ECI2: variants seen among roughly 807,000 people sequenced by gnomAD.
ECI2 encodes the protein D3,D2-enoyl-CoA isomerase.
In ECI2, 27 loss-of-function variants were observed where a neutral mutation model predicts 38.4. The ratio of observed to expected loss-of-function variants is 0.70; its 90% CI spans 0.52 to 0.97. ECI2 has a LOEUF of 0.97. Ranked by LOEUF, ECI2 falls within the 50% of genes least tolerant of loss-of-function variation. The pLI is 0.00. For synonymous variants in ECI2, 168 were observed against 172.0 expected, an observed-to-expected ratio of 0.98 and a Z score of 0.18; for missense variants, 470 against 474.4, an observed-to-expected ratio of 0.99 and a Z score of 0.09.
chr6:4,122,679 AGAGAAGG>A (rs1772881746), intron 7 of ECI2, among the ~76,000 whole-genome samples: 1 of 151,942 alleles, frequency 6.6e-6, no homozygotes, highest in South Asian at 2.1e-4. Flanking sequence ...TATTTTTAGT[AGAGAAGG>A]GGTTTCACCA....
At chr6:4,126,303 T>C in intron 5 of ECI2, 66 bp from the exon 6 acceptor site, 1 of 1,357,970 alleles carries the variant, frequency 7.4e-7, no homozygotes, top group Non-Finnish European at 1.0e-6. Flanking sequence ...ATCTACTGCA[T>C]GCCAAACTCT....
At chr6:4,132,705 T>C (rs1257163203) in intron 2 of ECI2, among the ~76,000 whole-genome samples, 4 of 152,144 alleles carry the variant, frequency 2.6e-5, no homozygotes, top group Non-Finnish European at 5.9e-5. Context: ...GAATTCCCAA[T>C]ACCCATCATC....
At position 4,130,571 on chromosome 6, in the gene ECI2, G is replaced by A. The variant is rs371732625; in HGVS notation, c.313-11C>T. 15 of 1,614,010 alleles carry A rather than the reference G, an allele frequency of 9.3e-6. No homozygotes were observed. The African/African-American group carries it at 1.2e-4, about 13-fold the overall frequency. On this transcript the variant is annotated splice_polypyrimidine_tract_variant and intron_variant, in intron 3 of 9. Coordinates refer to ENST00000380118, the MANE Select transcript of ECI2 (RefSeq NM_206836.3). Reference sequence around the variant, plus strand: ...CTGCCTGGCAGCTTCCTGAACGGACGATGACAAACAACCTCAGCCCATGGT... The same window carrying A: ...CTGCCTGGCAGCTTCCTGAACGGACAATGACAAACAACCTCAGCCCATGGT...
In ECI2 at chr6:4,119,216, G is replaced by GT. The variant is rs779999281; in HGVS notation, c.854dup (p.Tyr285Ter). The change falls in exon 8 of 10, where the codon TAC becomes TAAC. Residue 285 changes from tyrosine to a stop codon, truncating the protein, a stop_gained and frameshift_variant. Coordinates refer to ENST00000380118, the MANE Select transcript of ECI2 (RefSeq NM_206836.3). LOFTEE classifies it high-confidence loss of function. ...LGQSPEGCSS[Y>*]TFPKIMSPAK... ...CTGGGCTCATTATCTTCGGAAAAGT[G>GT]TAAGAGGAGCATCCTTCCGGACTTT... The GT allele has an allele frequency of 3.7e-6, 6 of 1,613,752 alleles. No homozygotes were observed. Among genetic ancestry groups the GT allele is most frequent in the South Asian group, 3.3e-5 (3 of 91,056 alleles).
Position 4,119,238 on chromosome 6 carries a change from C to T in ECI2, c.833G>A (p.Ser278Asn). The change falls in exon 8 of 10, where the codon AGT (serine) becomes AAT (asparagine). Residue 278 changes from serine to asparagine, a missense_variant. Physicochemically the swap from Ser to Asn is conservative, Grantham distance 46. Transcript: ENST00000380118. ...AGTGTAAGAGGAGCATCCTTCCGGA[C>T]TTTGGCCTAGGTGACTAAATGGTGT... is the stretch of plus-strand genomic sequence containing the variant. Reference protein sequence around the residue: ...FHTPFSHLGQSPEGCSSYTFP... With the variant: ...FHTPFSHLGQNPEGCSSYTFP... 1.2e-6 allele frequency: 2 copies of T among 1,613,542 alleles called. No individual in the cohort carries two copies. Among genetic ancestry groups the T allele is most frequent in the Middle Eastern group, 3.3e-4 (2 of 6,060 alleles).
chr6:4,120,203 G>A (rs1264245566), intron 7 of ECI2, among the ~76,000 whole-genome samples: 1 of 152,176 alleles, frequency 6.6e-6, no homozygotes, highest in African/African-American at 2.4e-5. Context: ...CTAGTCGTGT[G>A]TTGCTTAACA....
chr6:4,117,602 G>A, intron 8 of ECI2, 151 bp from the exon 9 acceptor site: 1 of 1,065,556 alleles, frequency 9.4e-7, no homozygotes, highest in South Asian at 1.9e-5. Context: ...GACCTCAATA[G>A]GCAACGGTTT....
intron 7 of ECI2, among the ~76,000 whole-genome samples, chr6:4,120,712 G>C (rs916640391): frequency 9.3e-5 from 14 of 150,382 alleles, no homozygotes; most frequent in Admixed American, 2.6e-4. Context: ...GGATGACAGA[G>C]TGAAAAAAAA....
At chr6:4,125,546 A>C in intron 6 of ECI2, 176 bp from the exon 7 acceptor site, 1 of 895,706 alleles carries the variant, frequency 1.1e-6, no homozygotes, top group Non-Finnish European at 1.7e-6. Context: ...AGATTCATCC[A>C]GGGCATCCGT....
intron 4 of ECI2, 141 bp downstream of exon 4, chr6:4,130,231 G>T (rs747782854): frequency 6.2e-7 from 1 of 1,613,558 alleles, no homozygotes; most frequent in Middle Eastern, 1.6e-4. Context: ...GTATGAAGTA[G>T]CCACAATTAC....
At chr6:4,131,271 CA>C (rs201994672) in intron 2 of ECI2, among the ~76,000 whole-genome samples, 5 of 150,110 alleles carry the variant, frequency 3.3e-5, no homozygotes, top group South Asian at 2.1e-4. Context: ...TCTGAAGGTA[CA>C]AAAAAAAACA....
chr6:4,134,058 A>G (rs796687867), intron 1 of ECI2, among the ~76,000 whole-genome samples: 12 of 152,364 alleles, frequency 7.9e-5, no homozygotes, highest in African/African-American at 2.6e-4. Flanking sequence ...GCAGGAAACC[A>G]AAAGGCTAAA....
intron 7 of ECI2, among the ~76,000 whole-genome samples, chr6:4,124,641 C>T (rs1315109123): frequency 6.6e-6 from 1 of 152,102 alleles, no homozygotes; most frequent in African/African-American, 2.4e-5. Context: ...TGATTTTTAC[C>T]TTGTAGCTTT....
At chr6:4,135,461 C>T in intron 1 of ECI2, 50 bp downstream of exon 1, 2 of 1,603,732 alleles carry the variant, frequency 1.2e-6, no homozygotes, top group Non-Finnish European at 8.5e-7. Flanking sequence ...GCCTGGACAG[C>T]GGTATCCTGC....
In ECI2 at chr6:4,130,867, T is replaced by C. The variant is rs148049194; in HGVS notation, c.214-2A>G. 4.6e-5 allele frequency: 75 copies of C among 1,613,472 alleles called. 1 individual carries two copies. The highest frequency in any genetic ancestry group is 5.6e-5 in the Non-Finnish European group (66 of 1,179,862). On this transcript the variant is annotated splice_acceptor_variant, in intron 2 of 9. Transcript: ENST00000380118. LOFTEE classifies it high-confidence loss of function. ...CATGTTACAAGGTCCTTCAGTGGCC[T>C]GTGAAAAGGAGAGGGGCAATATGTT...
chr6:4,117,312 G>C lies in ECI2; in HGVS notation c.1025C>G (p.Pro342Arg). Residue 342 changes from proline (P) to arginine (R), a missense_variant, in exon 9 of 10, where the codon CCA becomes CGA. Transcript: ENST00000380118. ...TRLKAFAKLP[P>R]NALRISKEVI... ...AAGTAAAAGATGAATACTAACATTT[G>C]GGGGAAGCTTTGCAAATGCCTTCAG... The C allele has an allele frequency of 6.3e-7, 1 of 1,596,520 alleles. No homozygotes were observed. Among genetic ancestry groups the C allele is most frequent in the South Asian group, 1.1e-5 (1 of 87,252 alleles).
rs540204706 is a variant in ECI2 at position 4,133,688 on chromosome 6, G to T, written c.74C>A (p.Pro25Gln). 6.2e-7 allele frequency: 1 copy of T among 1,611,262 alleles called. No individual in the cohort carries two copies. Among genetic ancestry groups the T allele is most frequent in the South Asian group, 1.1e-5 (1 of 90,310 alleles). Residue 25 changes from proline to glutamine, a missense_variant, in exon 2 of 10, where the codon CCG (proline) becomes CAG (glutamine). Physicochemically the swap from Pro to Gln is moderately conservative, Grantham distance 76. Coordinates refer to ENST00000380118, the MANE Select transcript of ECI2 (RefSeq NM_206836.3). The part of the protein sequence containing the change: ...CPSSLQVTSF[P>Q]VVQLHMNRTA... Reference sequence around the variant, plus strand: ...TCTATTCATGTGCAGCTGAACTACCGGGAAACTAGTGACCTGCAGAGAACT... The same window carrying T: ...TCTATTCATGTGCAGCTGAACTACCTGGAAACTAGTGACCTGCAGAGAACT...
rs933811111 is a variant in ECI2 at position 4,130,829 on chromosome 6, C to T, written c.250G>A (p.Val84Ile). 3.7e-6 allele frequency: 6 copies of T among 1,614,080 alleles called. No homozygotes were observed. Among genetic ancestry groups the T allele is most frequent in the East Asian group, 2.2e-5 (1 of 44,896 alleles). Residue 84 changes from valine (V) to isoleucine (I), a missense_variant, in exon 3 of 10, where the codon GTA (valine) becomes ATA (isoleucine). By Grantham distance (29) the Val-to-Ile change is conservative. Coordinates refer to ENST00000380118, the MANE Select transcript of ECI2 (RefSeq NM_206836.3). Reference sequence around the variant, plus strand: ...TTGGCCTTGTTGATCAAGTCAAATACACCTGGTTTGGGCATGTTACAAGGT... The same window carrying T: ...TTGGCCTTGTTGATCAAGTCAAATATACCTGGTTTGGGCATGTTACAAGGT... ...EGPCNMPKPGVFDLINKAKWD... is the reference protein window; with the variant it reads ...EGPCNMPKPGIFDLINKAKWD...
In ECI2 at chr6:4,117,463, A is replaced by G. The variant is rs769909134; in HGVS notation, c.886-12T>C. 2 of 1,608,854 alleles carry G rather than the reference A, an allele frequency of 1.2e-6. No homozygotes were observed. The highest frequency in any genetic ancestry group is 1.7e-6 in the Non-Finnish European group (2 of 1,178,760). On this transcript the variant is annotated splice_polypyrimidine_tract_variant and intron_variant, in intron 8 of 9. Transcript: ENST00000380118. Reference sequence around the variant, plus strand: ...AGCATCTCTGTTGCCTGAAATGAAAAGCAAGAAGCAAGGTTAAGATACTAA... The same window carrying G: ...AGCATCTCTGTTGCCTGAAATGAAAGGCAAGAAGCAAGGTTAAGATACTAA...
Sources: allele counts gnomAD v4.1 joint callset (sites outside exome capture counted in the v4.1 genomes callset), GRCh38; gene constraint gnomAD v4.1.1; transcripts MANE v1.5; gene names NCBI Gene and HGNC (gene_info 2026-07-23, HGNC 2026-07-21).